The following ZNF804B variants were observed in gnomAD, a reference collection of about 807,000 sequenced individuals.
ZNF804B encodes the protein zinc finger 804B.
A neutral mutation model predicts 101.4 loss-of-function variants in ZNF804B; 80 were observed. The observed-to-expected ratio is 0.79, with a 90% confidence interval of 0.66 to 0.95. The LOEUF (loss-of-function observed/expected upper bound fraction) is 0.95. Among genes scored for constraint, ZNF804B ranks in the 40% least tolerant of loss-of-function variants. The pLI is 0.00. For synonymous variants in ZNF804B, 622 were observed against 558.8 expected (o/e 1.11, Z -1.59); for missense variants, 1,673 against 1,561.9 (o/e 1.07, Z -1.20).
rs944832511 is a variant in ZNF804B at position 88,933,320 on chromosome 7, C to T, written c.108+173236C>T. 1.7e-4 allele frequency among the ~76,000 whole-genome samples: 25 copies of T among 151,386 alleles called. 1 individual carries two copies. The highest frequency in any genetic ancestry group is 5.1e-4 in the African/African-American group (21 of 41,272). ...TCAAAGTAATAAAAGACATATATGACAAACCAACATCATATTGAATCAGGA... is the reference window on the plus strand; with the variant it reads ...TCAAAGTAATAAAAGACATATATGATAAACCAACATCATATTGAATCAGGA... On this transcript the variant is annotated intron_variant, in intron 1 of 3. Transcript: ENST00000333190.
chr7:88,858,763 A>T (rs1791607978), intron 1 of ZNF804B, among the ~76,000 whole-genome samples: 1 of 152,184 alleles, frequency 6.6e-6, no homozygotes, highest in Non-Finnish European at 1.5e-5. Context: ...GTGGATAAAC[A>T]TAGTTATTTT....
At chr7:88,896,884 G>A (rs1057303485) in intron 1 of ZNF804B, among the ~76,000 whole-genome samples, 2 of 152,148 alleles carry the variant, frequency 1.3e-5, no homozygotes, top group African/African-American at 4.8e-5. Flanking sequence ...AATTATGCAT[G>A]TTAATTTTTC....
In ZNF804B at chr7:89,335,874, A is replaced by G. The variant is rs758410909; in HGVS notation, c.2892A>G (p.Thr964=). 1 of 1,614,110 alleles carries G rather than the reference A, an allele frequency of 6.2e-7. No individual in the cohort carries two copies. Among genetic ancestry groups the G allele is most frequent in the Non-Finnish European group, 8.5e-7 (1 of 1,179,990 alleles). The part of the protein sequence containing the change: ...ELEAPSQVPC[T]IQLAPSGCNR... ...AGGCTCCTTCGCAAGTCCCATGCAC[A>G]ATTCAACTTGCACCATCAGGCTGTA... is the stretch of plus-strand genomic sequence containing the variant. The change falls in exon 4 of 4, where the codon ACA becomes ACG. Residue 964 remains threonine, a synonymous_variant. Transcript: ENST00000333190.
At chr7:88,999,960 T>A (rs1340185839) in intron 1 of ZNF804B, among the ~76,000 whole-genome samples, 1 of 151,972 alleles carries the variant, frequency 6.6e-6, no homozygotes, top group Non-Finnish European at 1.5e-5. Flanking sequence ...ACTCAATGCA[T>A]AAGTGAGAGA....
intron 1 of ZNF804B, among the ~76,000 whole-genome samples, chr7:89,053,130 C>T (rs1309607867): frequency 2.0e-5 from 3 of 152,042 alleles, no homozygotes; most frequent in Non-Finnish European, 4.4e-5. Flanking sequence ...ATGTTTCTTA[C>T]AGAATTTTGT....
At chr7:88,931,710 G>T (rs1792888935) in intron 1 of ZNF804B, among the ~76,000 whole-genome samples, 1 of 151,632 alleles carries the variant, frequency 6.6e-6, no homozygotes, top group South Asian at 2.1e-4. Context: ...GTCAGATCTT[G>T]CTTATCATTG....
chr7:88,844,710 C>A (rs925477041), intron 1 of ZNF804B, among the ~76,000 whole-genome samples: 2 of 152,152 alleles, frequency 1.3e-5, no homozygotes, highest in African/African-American at 4.8e-5. Flanking sequence ...GTTTTCCCTT[C>A]CCCGTCTGAA....
chr7:89,202,183 T>C (rs536924502), intron 1 of ZNF804B, among the ~76,000 whole-genome samples: 172 of 152,188 alleles, frequency 1.1e-3, no homozygotes, highest in African/African-American at 4.1e-3. Flanking sequence ...ACCATAGAAA[T>C]GTGAAGACAA....
intron 2 of ZNF804B, among the ~76,000 whole-genome samples, chr7:89,255,981 C>A (rs1018766525): frequency 7.9e-5 from 12 of 151,760 alleles, no homozygotes; most frequent in Non-Finnish European, 1.8e-4. Flanking sequence ...AAACCAAAAC[C>A]CAATTCCAAA....
At chr7:88,970,191 GTATTT>G (rs1200723187) in intron 1 of ZNF804B, among the ~76,000 whole-genome samples, 1 of 151,434 alleles carries the variant, frequency 6.6e-6, no homozygotes, top group Non-Finnish European at 1.5e-5. Context: ...TATAATAATT[GTATTT>G]TATTTTATTT....
intron 2 of ZNF804B, among the ~76,000 whole-genome samples, chr7:89,306,716 A>G (rs1302477356): frequency 6.6e-6 from 1 of 151,932 alleles, no homozygotes; most frequent in Admixed American, 6.6e-5. Flanking sequence ...GAAGATACAT[A>G]AAAATGAATG....
chr7:89,097,006 T>G (rs1388903870), intron 1 of ZNF804B, among the ~76,000 whole-genome samples: 2 of 152,192 alleles, frequency 1.3e-5, no homozygotes, highest in Non-Finnish European at 2.9e-5. Context: ...TCTCTGCTTA[T>G]CCAGAAAGTC....
At chr7:88,918,464 T>C (rs990802478) in intron 1 of ZNF804B, among the ~76,000 whole-genome samples, 1 of 152,156 alleles carries the variant, frequency 6.6e-6, no homozygotes, top group Admixed American at 6.6e-5. Flanking sequence ...TTGCTCTATC[T>C]GTTGAGAGTG....
chr7:89,068,232 C>G (rs1789483909), intron 1 of ZNF804B, among the ~76,000 whole-genome samples: 1 of 151,054 alleles, frequency 6.6e-6, no homozygotes, highest in African/African-American at 2.4e-5. Flanking sequence ...TGAGCATTTT[C>G]TTCTTAAAGT....
intron 2 of ZNF804B, among the ~76,000 whole-genome samples, chr7:89,271,276 AG>A (rs1216404135): frequency 1.8e-4 from 28 of 152,294 alleles, no homozygotes; most frequent in African/African-American, 6.3e-4. Flanking sequence ...TTTAGCATGA[AG>A]GGCTGTTGAA....
At chr7:89,313,536 A>C (rs975251520) in intron 2 of ZNF804B, among the ~76,000 whole-genome samples, 2 of 152,348 alleles carry the variant, frequency 1.3e-5, no homozygotes, top group Non-Finnish European at 2.9e-5. Context: ...TTCCTAACAC[A>C]TAGAGACTTA....
intron 1 of ZNF804B, among the ~76,000 whole-genome samples, chr7:89,097,120 C>T (rs929622083): frequency 6.6e-6 from 1 of 152,162 alleles, no homozygotes; most frequent in Admixed American, 6.5e-5. Context: ...TAATGGGATA[C>T]GTGCAGCTGC....
intron 1 of ZNF804B, chr7:88,794,774 G>A (rs1251309488): frequency 6.2e-7 from 1 of 1,613,590 alleles, no homozygotes; most frequent in East Asian, 2.2e-5. Flanking sequence ...ACATTTGCTT[G>A]TATCTTGGCC....
chr7:89,189,050 GAGA>G (rs1160993804), intron 1 of ZNF804B, among the ~76,000 whole-genome samples: 1 of 152,122 alleles, frequency 6.6e-6, no homozygotes, highest in East Asian at 1.9e-4. Flanking sequence ...CATAGCTAAA[GAGA>G]AGAATTCCTA....
Sources: allele counts gnomAD v4.1 joint callset (sites outside exome capture counted in the v4.1 genomes callset), GRCh38; gene constraint gnomAD v4.1.1; transcripts MANE v1.5; gene names NCBI Gene and HGNC (gene_info 2026-07-23, HGNC 2026-07-21).